Variants in ERG observed in about 807,000 individuals in gnomAD.
ERG encodes the protein ETS transcription factor ERG, also known as transcriptional regulator ERG.
A neutral mutation model predicts 55.3 loss-of-function variants in ERG; 9 were observed. That is an observed-to-expected ratio of 0.16 (90% confidence interval 0.10 to 0.28). The LOEUF is 0.28. Ranked by LOEUF, ERG falls within the 10% of genes least tolerant of loss-of-function variation. The pLI is 1.00. For missense variants in ERG, 434 were observed against 631.6 expected (o/e 0.69, Z 3.35); for synonymous variants, 223 against 237.3 (o/e 0.94, Z 0.55).
chr21:38,624,999 TATATTA>T (rs72245519), intron 1 of ERG, among the ~76,000 whole-genome samples: 23,989 of 152,032 alleles, frequency 0.16, 1,976 homozygotes, highest in East Asian at 0.3. Flanking sequence ...ATTAAAAATA[TATATTA>T]ATATTAAATT....
chr21:38,638,576 T>C (rs1340819054), intron 1 of ERG, among the ~76,000 whole-genome samples: 1 of 152,182 alleles, frequency 6.6e-6, no homozygotes, highest in Non-Finnish European at 1.5e-5. Flanking sequence ...TGGAAGATGT[T>C]TGCAAAATTT....
intron 2 of ERG, among the ~76,000 whole-genome samples, chr21:38,431,878 T>C (rs1990229753): frequency 6.6e-6 from 1 of 152,214 alleles, no homozygotes; most frequent in Non-Finnish European, 1.5e-5. Flanking sequence ...GGACGCTCCC[T>C]GCACACAGTG....
At chr21:38,400,164 C>T in intron 6 of ERG, 1 of 414,806 alleles carries the variant, frequency 2.4e-6, no homozygotes, top group East Asian at 4.2e-5. Flanking sequence ...TGGTTGCATG[C>T]TTCTGCTCTG....
chr21:38,425,479 A>C (rs2146509151), intron 2 of ERG, among the ~76,000 whole-genome samples: 1 of 152,314 alleles, frequency 6.6e-6, no homozygotes, highest in East Asian at 1.9e-4. Flanking sequence ...AACAGAAAAT[A>C]CATGTCAGTG....
chr21:38,430,265 TTTA>T (rs1220913348), intron 2 of ERG, among the ~76,000 whole-genome samples: 5 of 152,224 alleles, frequency 3.3e-5, no homozygotes, highest in Non-Finnish European at 5.9e-5. Context: ...GATGAAATTA[TTTA>T]TTTTTTTCTT....
In ERG at chr21:38,498,091, C is replaced by T. The variant is rs1189036214; in HGVS notation, c.18+272G>A. 2.6e-5 allele frequency among the ~76,000 whole-genome samples: 4 copies of T among 152,172 alleles called. No individual in the cohort carries two copies. Among genetic ancestry groups the T allele is most frequent in the Non-Finnish European group, 4.4e-5 (3 of 68,032 alleles). On this transcript the variant is annotated intron_variant, in intron 1 of 9. Transcript: ENST00000288319. This position sits in a 1 kb window ranked among gnomAD's most constrained non-coding sequence, Gnocchi z 4.6. The stretch of plus-strand genomic sequence containing the variant: ...GTTAGAGAATCTGAAAATTCAGAAG[C>T]GCTCCGAAAAGCCTTTCCAAAAGTA...
At chr21:38,629,423 T>C (rs995101941) in intron 1 of ERG, among the ~76,000 whole-genome samples, 1 of 152,174 alleles carries the variant, frequency 6.6e-6, no homozygotes, top group Non-Finnish European at 1.5e-5. Context: ...GAAGATAACA[T>C]TGATTTTTTA....
At chr21:38,568,411 T>C (rs1161197169) in intron 2 of ERG, among the ~76,000 whole-genome samples, 1 of 152,188 alleles carries the variant, frequency 6.6e-6, no homozygotes, top group African/African-American at 2.4e-5. Context: ...AGATGCACTA[T>C]TTCATTCCCA....
chr21:38,369,912 C>T, the ERG span, among the ~76,000 whole-genome samples: 4 of 151,886 alleles, frequency 2.6e-5, no homozygotes, highest in African/African-American at 9.7e-5. Flanking sequence ...CACTTTTGTC[C>T]AAGATCAGAT....
At chr21:38,599,532 C>G (rs1163652480) in intron 1 of ERG, among the ~76,000 whole-genome samples, 1 of 152,200 alleles carries the variant, frequency 6.6e-6, no homozygotes, top group East Asian at 1.9e-4. Flanking sequence ...TCTTCCTGCT[C>G]CAACCCTGGA....
chr21:38,535,493 C>G (rs965753500), intron 2 of ERG, among the ~76,000 whole-genome samples: 2 of 152,062 alleles, frequency 1.3e-5, no homozygotes, highest in Non-Finnish European at 2.9e-5. Context: ...CTTACCAAAC[C>G]CACTGTACAT....
intron 9 of ERG, among the ~76,000 whole-genome samples, chr21:38,386,667 G>C (rs1042182996): frequency 1.3e-5 from 2 of 152,116 alleles, no homozygotes; most frequent in African/African-American, 2.4e-5. Context: ...AAGTGGCTTG[G>C]GTCACTCATG....
intron 2 of ERG, among the ~76,000 whole-genome samples, chr21:38,554,307 C>T (rs1601234354): frequency 6.6e-6 from 1 of 152,216 alleles, no homozygotes; most frequent in Non-Finnish European, 1.5e-5. Flanking sequence ...AACTACCATT[C>T]AACCCAATAA....
intron 7 of ERG, 115 bp from the exon 8 acceptor site, chr21:38,391,830 C>T: frequency 1.2e-6 from 1 of 817,806 alleles, no homozygotes. Context: ...AATAGTCTAA[C>T]TCAGAAGCAT....
intron 1 of ERG, among the ~76,000 whole-genome samples, chr21:38,597,464 T>C (rs1042300971): frequency 9.8e-6 from 1 of 102,518 alleles, no homozygotes; most frequent in Non-Finnish European, 2.0e-5. Flanking sequence ...GAGATATCTA[T>C]ATATATCTAC....
chr21:38,473,415 T>TTA (rs1201970797), intron 1 of ERG, among the ~76,000 whole-genome samples: 1 of 145,164 alleles, frequency 6.9e-6, no homozygotes, highest in East Asian at 2.0e-4. Context: ...TTGCATTCAA[T>TTA]TATATATATA....
intron 1 of ERG, among the ~76,000 whole-genome samples, chr21:38,603,280 C>T (rs1568943048): frequency 6.6e-6 from 1 of 151,972 alleles, no homozygotes; most frequent in Non-Finnish European, 1.5e-5. Flanking sequence ...CTAGCAGTGG[C>T]CATATTTGAA....
chr21:38,411,278 C>CGTT lies in ERG; in HGVS notation c.389-7572_389-7570dup, dbSNP rs555493500. 1.9e-3 allele frequency among the ~76,000 whole-genome samples: 295 copies of CGTT among 152,218 alleles called. 1 individual carries two copies. The highest frequency in any genetic ancestry group is 6.4e-3 in the African/African-American group (267 of 41,534). On this transcript the variant is annotated intron_variant, in intron 3 of 9. Transcript: ENST00000288319. ...GGTATTGATTTCTAATTTTATTGCA[C>CGTT]GTTGGCCAGTGAATAGAGTCTGTAT...
At chr21:38,641,954 C>T (rs73902704) in intron 1 of ERG, among the ~76,000 whole-genome samples, 27,989 of 152,206 alleles carry the variant, frequency 0.18, 3,063 homozygotes, top group Non-Finnish European at 0.25. Context: ...AGGACCTGGG[C>T]ATCTGCATTC....
Sources: gnomAD v4.1 joint callset for allele counts (sites outside exome capture counted in the v4.1 genomes callset) on GRCh38, gnomAD v4.1.1 for gene constraint, Gnocchi (gnomAD v3.1) non-coding constraint, MANE v1.5 for transcripts, NCBI Gene and HGNC (gene_info 2026-07-23, HGNC 2026-07-21) for gene names.